SLC66A1: variants seen among roughly 807,000 people sequenced by gnomAD.
SLC66A1 encodes the protein solute carrier family 66 member 1, also known as lysosomal amino acid transporter 1 homolog.
In SLC66A1, 23 loss-of-function variants were observed where a neutral mutation model predicts 33.0. The ratio of observed to expected loss-of-function variants is 0.70; its 90% confidence interval spans 0.50 to 0.99. The LOEUF (loss-of-function observed/expected upper bound fraction) is 0.99, where lower values mean the gene tolerates loss of function less well. Ranked by LOEUF, SLC66A1 falls within the 50% of genes least tolerant of loss-of-function variation. The pLI is 0.00. For missense variants in SLC66A1, 335 were observed against 383.6 expected, an observed-to-expected ratio of 0.87 and a Z score of 1.06; for synonymous variants, 164 against 175.5, an observed-to-expected ratio of 0.93 and a Z score of 0.52.
rs767117968 is a variant in SLC66A1, at chr1:19,326,571, C to G, written c.566C>G (p.Ser189Cys). 2 of 1,614,234 alleles carry G rather than the reference C, an allele frequency of 1.2e-6. No homozygotes were observed. Among genetic ancestry groups the G allele is most frequent in the South Asian group, 1.1e-5 (1 of 91,088 alleles). Reference sequence around the variant, plus strand: ...GAAGTCATTGGCTTCGTCATCGGCTCCATCTCCAGCGTGTTGTACCTGCTT... The same window carrying G: ...GAAGTCATTGGCTTCGTCATCGGCTGCATCTCCAGCGTGTTGTACCTGCTT... ...RQEVIGFVIG[S>C]ISSVLYLLSR... is the part of the protein sequence containing the mutation. The change falls in exon 6 of 8, where the codon TCC becomes TGC. Residue 189 changes from serine to cysteine, a missense_variant. Physicochemically the swap from Ser to Cys is moderately radical, Grantham distance 112 (BLOSUM62 -1). Coordinates refer to ENST00000375153, the MANE Select transcript of SLC66A1 (RefSeq NM_001040125.2).
chr1:19,327,294 T>C lies in SLC66A1; in HGVS notation c.686T>C (p.Leu229Pro). 1.2e-6 allele frequency: 2 copies of C among 1,613,854 alleles called. No homozygotes were observed. Among genetic ancestry groups the C allele is most frequent in the African/African-American group, 1.3e-5 (1 of 75,024 alleles). Residue 229 changes from leucine (L) to proline (P), a missense_variant, in exon 7 of 8, where the codon CTG (leucine) becomes CCG (proline). Coordinates refer to ENST00000375153, the MANE Select transcript of SLC66A1 (RefSeq NM_001040125.2). ...LFALVMLGNT[L>P]YGLSVLLKNP... Reference sequence around the variant, plus strand: ...GCGCTGGTGATGCTGGGGAACACGCTGTATGGGCTGAGCGTGCTGCTCAAA... The same window carrying C: ...GCGCTGGTGATGCTGGGGAACACGCCGTATGGGCTGAGCGTGCTGCTCAAA...
At position 19,317,768 on chromosome 1, in the gene SLC66A1, C is replaced by T. The variant is rs141141870; in HGVS notation, c.91C>T (p.Gln31Ter). 2.1e-5 allele frequency: 34 copies of T among 1,614,078 alleles called. No individual in the cohort carries two copies. Among genetic ancestry groups the T allele is most frequent in the Non-Finnish European group, 2.9e-5 (34 of 1,180,042 alleles). Residue 31 changes from glutamine to a stop codon, truncating the protein, a stop_gained, in exon 2 of 8, where the codon CAG becomes TAG. Transcript: ENST00000375153. LOFTEE classifies it high-confidence loss of function. ...ATGGGATGTGTTGGGTGAATGTGCC[C>T]AGGACGGCTGGGACGAGGCCAGCGT... ...WIWDVLGECAQDGWDEASVGL... is the reference protein window; with the variant it reads ...WIWDVLGECA
At position 19,326,377 on chromosome 1, in the gene SLC66A1, CG is replaced by C; in HGVS notation, c.518del (p.Gly173AlafsTer51). On this transcript the variant is annotated frameshift_variant, in exon 5 of 8. Coordinates refer to ENST00000375153, the MANE Select transcript of SLC66A1 (RefSeq NM_001040125.2). LOFTEE classifies it high-confidence loss of function. ...GGGCGGGCGCTCCTGTCCGTGGAGT[CG>C]GGCAGCAAGGTGAGGCGTGGGCGTG... ...FRGRALLSVESGSKPFTRQEV... is the reference protein window; with the variant it reads ...FRGRALLSVEXGSKPFTRQEV... The C allele has an allele frequency of 1.2e-6, 2 of 1,606,812 alleles. No homozygotes were observed. Among genetic ancestry groups the C allele is most frequent in the Non-Finnish European group, 1.7e-6 (2 of 1,178,722 alleles).
chr1:19,327,542 T>TCCCG, intron 7 of SLC66A1, 130 bp downstream of exon 7: 1 of 841,700 alleles, frequency 1.2e-6, no homozygotes, highest in Non-Finnish European at 1.7e-6. Flanking sequence ...CCTCCCTCCC[T>TCCCG]CCCTCCCTCC....
chr1:19,317,766 C>A lies in SLC66A1; in HGVS notation c.89C>A (p.Ala30Asp). The A allele has an allele frequency of 6.2e-7, 1 of 1,614,170 alleles. No individual in the cohort carries two copies. The highest frequency in any genetic ancestry group is 8.5e-7 in the Non-Finnish European group (1 of 1,180,034). ...ATATGGGATGTGTTGGGTGAATGTG[C>A]CCAGGACGGCTGGGACGAGGCCAGC... Reference protein sequence around the residue: ...QWIWDVLGECAQDGWDEASVG... With the variant: ...QWIWDVLGECDQDGWDEASVG... The change falls in exon 2 of 8, where the codon GCC becomes GAC. Residue 30 changes from alanine (A) to aspartate (D), a missense_variant. Ala to Asp is a moderately radical substitution (Grantham distance 126). Coordinates refer to ENST00000375153, the MANE Select transcript of SLC66A1 (RefSeq NM_001040125.2).
chr1:19,328,671 A>G lies in SLC66A1; in HGVS notation c.*28A>G. ...AGAACCAGGCTGAGCGCAGGAGGAC[A>G]GGCACCACCGGATGCCACACCAGGC... On this transcript the variant is annotated 3_prime_UTR_variant, in exon 8 of 8. Coordinates refer to ENST00000375153, the MANE Select transcript of SLC66A1 (RefSeq NM_001040125.2). This position sits in a 1 kb window ranked among gnomAD's most constrained non-coding sequence, Gnocchi z 4.7. 6.2e-7 allele frequency: 1 copy of G among 1,608,446 alleles called. No individual in the cohort carries two copies. Among genetic ancestry groups the G allele is most frequent in the Admixed American group, 1.7e-5 (1 of 59,840 alleles).
rs77226574 is a variant in SLC66A1, at chr1:19,321,321, G to A, written c.165-3312G>A. On this transcript the variant is annotated intron_variant, in intron 2 of 7. Transcript: ENST00000375153. The stretch of plus-strand genomic sequence containing the variant: ...CTCTTGAGTAACTGGGACCACAGAC[G>A]TGCACCACTAAACCTTGCTAATTGA... Among the ~76,000 whole-genome samples the A allele has an allele frequency of 4.6e-4, 68 of 147,506 alleles. 5 individuals carry two copies. The East Asian group carries it at 9.8e-3, about 21-fold the overall frequency.
intron 2 of SLC66A1, among the ~76,000 whole-genome samples, chr1:19,320,120 T>G (rs1308935052): frequency 6.6e-6 from 1 of 150,870 alleles, no homozygotes; most frequent in African/African-American, 2.4e-5. Context: ...AGGCTGGTCT[T>G]GAACTCCTGA....
intron 4 of SLC66A1, 123 bp from the exon 5 acceptor site, chr1:19,326,122 A>G: frequency 1.2e-6 from 1 of 817,100 alleles, no homozygotes. Flanking sequence ...AAGCTCAGAG[A>G]GGTTAGGTCA....
chr1:19,321,629 C>A (rs929555665), intron 2 of SLC66A1, among the ~76,000 whole-genome samples: 1 of 147,376 alleles, frequency 6.8e-6, no homozygotes, highest in Non-Finnish European at 1.5e-5. Context: ...TGCAGTGGTG[C>A]GATCTCAGCT....
chr1:19,334,208 C>A (rs1360747788), downstream of SLC66A1, among the ~76,000 whole-genome samples: 1 of 152,196 alleles, frequency 6.6e-6, no homozygotes, highest in Non-Finnish European at 1.5e-5. Context: ...TCAGTAGGCG[C>A]TGAATGTTTG....
At chr1:19,330,984 C>T (rs768790486), downstream of SLC66A1, among the ~76,000 whole-genome samples, 8 of 152,214 alleles carry the variant, frequency 5.3e-5, no homozygotes, top group Non-Finnish European at 1.0e-4. Context: ...GAGATCTCCC[C>T]GTCTTCACAG....
At chr1:19,331,995 G>T (rs1291558862), downstream of SLC66A1, among the ~76,000 whole-genome samples, 1 of 152,184 alleles carries the variant, frequency 6.6e-6, no homozygotes, top group Non-Finnish European at 1.5e-5. Context: ...CCTGGGGAGT[G>T]CCCTGTGTGA....
At chr1:19,323,652 C>A in intron 2 of SLC66A1, among the ~76,000 whole-genome samples, 1 of 151,984 alleles carries the variant, frequency 6.6e-6, no homozygotes, top group East Asian at 1.9e-4. Flanking sequence ...AGTGATCCAC[C>A]CTCCTCAACC....
At chr1:19,314,608 G>A (rs1284991833) in intron 1 of SLC66A1, among the ~76,000 whole-genome samples, 1 of 152,190 alleles carries the variant, frequency 6.6e-6, no homozygotes, top group South Asian at 2.1e-4. Flanking sequence ...ATTTAGTCAG[G>A]GCAGCTGCCC....
Position 19,324,895 on chromosome 1 carries a change from G to A in SLC66A1, c.294+133G>A, listed in dbSNP as rs1438473186. 3.2e-6 allele frequency: 4 copies of A among 1,245,220 alleles called. No homozygotes were observed. In the East Asian group the frequency reaches 1.0e-4, roughly 32 times the overall value. 77.1% of individuals were successfully genotyped at this position (1,245,220 alleles called of 1,614,324 possible). A position where few individuals can be genotyped will look rare whatever the true frequency, so the allele number is the denominator to read the frequency against. ...GACCCGTCATTCCATCTTGTGGGAG[G>A]GCCCCATCCTTCTGTCTGCCGAACT... On this transcript the variant is annotated intron_variant, in intron 3 of 7. Transcript: ENST00000375153.
intron 2 of SLC66A1, 107 bp downstream of exon 2, chr1:19,317,948 GAC>G: frequency 1.1e-5 from 17 of 1,481,232 alleles, no homozygotes; most frequent in Non-Finnish European, 1.4e-5. Flanking sequence ...GGCCTCTCCA[GAC>G]TAGAGGCTGG....
At chr1:19,320,412 C>CTTTTTTT (rs34520375) in intron 2 of SLC66A1, among the ~76,000 whole-genome samples, 4 of 98,630 alleles carry the variant, frequency 4.1e-5, no homozygotes, top group African/African-American at 1.2e-4. Context: ...GGTGGCCTGT[C>CTTTTTTT]TTTTTTTTTT....
At chr1:19,313,706 A>G (rs2093789929) in intron 1 of SLC66A1, among the ~76,000 whole-genome samples, 2 of 152,228 alleles carry the variant, frequency 1.3e-5, no homozygotes, top group African/African-American at 4.8e-5. Flanking sequence ...GACGTGGGTC[A>G]GGAGGCAGGA....
Sources: allele counts gnomAD v4.1 joint callset (sites outside exome capture counted in the v4.1 genomes callset), GRCh38; gene constraint gnomAD v4.1.1; non-coding constraint Gnocchi (gnomAD v3.1); transcripts MANE v1.5; gene names NCBI Gene and HGNC (gene_info 2026-07-23, HGNC 2026-07-21).